TMED3: variants seen among roughly 807,000 people sequenced by gnomAD.
TMED3 encodes transmembrane emp24 domain-containing protein 3.
TMED3 carries 9 observed loss-of-function variants against 15.0 expected under a neutral mutation model. The observed-to-expected ratio is 0.60, with a 90% CI of 0.36 to 1.04. The LOEUF is 1.04. TMED3 is among the 50% of genes least tolerant of loss of function. The pLI is 0.01. For synonymous variants in TMED3, 117 were observed against 121.4 expected, an observed-to-expected ratio of 0.96 and a Z score of 0.24; for missense variants, 267 against 278.9, an observed-to-expected ratio of 0.96 and a Z score of 0.30.
chr15:79,394,961 A>G (rs542303429), intron 2 of TMED3, among the ~76,000 whole-genome samples: 78 of 152,314 alleles, frequency 5.1e-4, no homozygotes, highest in Middle Eastern at 3.4e-3. Context: ...TTATTTATGT[A>G]TCCATAAATA....
intron 2 of TMED3, among the ~76,000 whole-genome samples, chr15:79,330,032 G>A (rs1044670430): frequency 6.6e-6 from 1 of 151,950 alleles, no homozygotes; most frequent in Non-Finnish European, 1.5e-5. Context: ...CCACCTCCTC[G>A]CCTCACCACA....
intron 1 of TMED3, among the ~76,000 whole-genome samples, chr15:79,313,447 C>T (rs1371385454): frequency 6.6e-6 from 1 of 152,138 alleles, no homozygotes; most frequent in African/African-American, 2.4e-5. Context: ...TTTACTTAAC[C>T]TTGGAACCTC....
At chr15:79,404,465 C>T (rs566639958) in intron 2 of TMED3, among the ~76,000 whole-genome samples, 6 of 152,350 alleles carry the variant, frequency 3.9e-5, no homozygotes, top group African/African-American at 1.4e-4. Context: ...ATTGCCCAAG[C>T]ACCGAAATAT....
At chr15:79,363,850 G>T (rs1035209322) in intron 2 of TMED3, among the ~76,000 whole-genome samples, 6 of 152,166 alleles carry the variant, frequency 3.9e-5, no homozygotes, top group African/African-American at 1.4e-4. Flanking sequence ...GACAAAGTAC[G>T]GCCTTTACTA....
rs28430783 is a variant in TMED3, at chr15:79,370,892, T to G, written c.418-40508T>G. ...CATGTCTGGCATTTCTCCTTTGTGGTTGACTTTCATTGCCTGAATACACAA... is the reference window on the plus strand; with the variant it reads ...CATGTCTGGCATTTCTCCTTTGTGGGTGACTTTCATTGCCTGAATACACAA... On this transcript the variant is annotated intron_variant, in intron 2 of 2. Transcript: ENST00000424155. 2.5e-4 allele frequency among the ~76,000 whole-genome samples: 38 copies of G among 152,100 alleles called. 1 individual carries two copies. The East Asian group carries it at 7.4e-3, about 29-fold the overall frequency.
At chr15:79,337,487 A>G (rs2058831417) in intron 2 of TMED3, among the ~76,000 whole-genome samples, 1 of 152,250 alleles carries the variant, frequency 6.6e-6, no homozygotes, top group African/African-American at 2.4e-5. Context: ...GGGAGGACAC[A>G]GTTCAGCCAA....
intron 2 of TMED3, among the ~76,000 whole-genome samples, chr15:79,334,686 C>A (rs1444154444): frequency 6.6e-6 from 1 of 152,106 alleles, no homozygotes; most frequent in African/African-American, 2.4e-5. Context: ...AGACCAGGAT[C>A]ACGGCAAAGT....
chr15:79,375,044 C>G (rs1019965626), intron 2 of TMED3, among the ~76,000 whole-genome samples: 1 of 152,176 alleles, frequency 6.6e-6, no homozygotes, highest in African/African-American at 2.4e-5. Flanking sequence ...TAGATACACT[C>G]GTAGCTTCTC....
intron 2 of TMED3, among the ~76,000 whole-genome samples, chr15:79,352,936 A>AT (rs1266444042): frequency 1.0e-5 from 1 of 99,872 alleles, no homozygotes; most frequent in African/African-American, 3.8e-5. Flanking sequence ...TATAATATAT[A>AT]TACATATATA....
intron 2 of TMED3, among the ~76,000 whole-genome samples, chr15:79,367,640 G>C (rs1893261017): frequency 6.6e-6 from 1 of 152,192 alleles, no homozygotes; most frequent in Non-Finnish European, 1.5e-5. Flanking sequence ...CTGAGGTGTT[G>C]ACACTTACAT....
exon 3 of TMED3, chr15:79,411,562 T>A (rs1893980581): frequency 7.2e-6 from 5 of 697,392 alleles, no homozygotes; most frequent in Non-Finnish European, 1.3e-5. Context: ...GAAGCTACGC[T>A]GAAGTGGGAG....
chr15:79,315,807 C>T (rs759096093), intron 2 of TMED3: 14 of 152,108 alleles, frequency 9.2e-5, no homozygotes, highest in Admixed American at 2.6e-4. Flanking sequence ...AGAATTCACT[C>T]AGTCTACACA....
intron 2 of TMED3, among the ~76,000 whole-genome samples, chr15:79,381,475 G>T (rs1893535531): frequency 6.6e-6 from 1 of 152,226 alleles, no homozygotes; most frequent in Non-Finnish European, 1.5e-5. Flanking sequence ...GAGCGGTAAG[G>T]AGGTAGCAGG....
At chr15:79,345,948 T>C (rs923337111) in intron 2 of TMED3, among the ~76,000 whole-genome samples, 13 of 152,246 alleles carry the variant, frequency 8.5e-5, no homozygotes, top group Admixed American at 7.9e-4. Context: ...GTGTATGCCT[T>C]CTTTTGAAAA....
downstream of TMED3, among the ~76,000 whole-genome samples, chr15:79,323,345 G>A (rs2058776137): frequency 2.0e-5 from 3 of 152,286 alleles, no homozygotes; most frequent in South Asian, 2.1e-4. Context: ...AGGCGTTAAT[G>A]CATTGTAGGA....
intron 2 of TMED3, among the ~76,000 whole-genome samples, chr15:79,346,500 T>G (rs140619221): frequency 4.4e-4 from 67 of 152,288 alleles, no homozygotes; most frequent in African/African-American, 1.6e-3. Context: ...GTGCCTTTGC[T>G]CCTCTTTCAC....
At chr15:79,398,842 C>A (rs1428307869) in intron 2 of TMED3, among the ~76,000 whole-genome samples, 1 of 152,160 alleles carries the variant, frequency 6.6e-6, no homozygotes, top group African/African-American at 2.4e-5. Flanking sequence ...GGAATTAGGC[C>A]CACCCACAAT....
At chr15:79,359,388 T>C (rs111361538) in intron 2 of TMED3, among the ~76,000 whole-genome samples, 4 of 151,966 alleles carry the variant, frequency 2.6e-5, no homozygotes, top group Non-Finnish European at 4.4e-5. Flanking sequence ...ACCCACACCA[T>C]GCCTGGCAAA....
chr15:79,311,653 C>T (rs2058715023), intron 1 of TMED3, among the ~76,000 whole-genome samples: 1 of 152,174 alleles, frequency 6.6e-6, no homozygotes, highest in East Asian at 1.9e-4. Flanking sequence ...CAGGTGCGAG[C>T]CCGGGATGGG....
Sources: gnomAD v4.1 joint callset for allele counts (sites outside exome capture counted in the v4.1 genomes callset) on GRCh38, gnomAD v4.1.1 for gene constraint, MANE v1.5 for transcripts, NCBI Gene and HGNC (gene_info 2026-07-23, HGNC 2026-07-21) for gene names.